PRKAR1A: variants seen among roughly 807,000 people sequenced by gnomAD.
PRKAR1A encodes the protein protein kinase cAMP-dependent type I regulatory subunit alpha.
A neutral mutation model predicts 52.0 loss-of-function variants in PRKAR1A; 3 were observed. The observed-to-expected ratio is 0.06, with a 90% confidence interval of 0.03 to 0.15. The LOEUF (loss-of-function observed/expected upper bound fraction) is 0.15. Among genes scored for constraint, PRKAR1A ranks in the 10% least tolerant of loss-of-function variants. The pLI is 1.00. For synonymous variants in PRKAR1A, 188 were observed against 168.4 expected (o/e 1.12, Z -0.90); for missense variants, 240 against 477.4 (o/e 0.50, Z 4.63).
intron 11 of PRKAR1A, among the ~76,000 whole-genome samples, chr17:68,547,645 G>T (rs2086631577): frequency 6.6e-6 from 1 of 152,196 alleles, no homozygotes; most frequent in African/African-American, 2.4e-5. Context: ...TTTCTCACCT[G>T]TCTCAGCCTT....
the PRKAR1A span, among the ~76,000 whole-genome samples, chr17:68,417,267 T>G: frequency 6.6e-6 from 1 of 152,206 alleles, no homozygotes; most frequent in Admixed American, 6.5e-5. Flanking sequence ...GAGAAAAACC[T>G]AAGTAATTTA....
At chr17:68,417,439 C>T in the PRKAR1A span, among the ~76,000 whole-genome samples, 1 of 152,158 alleles carries the variant, frequency 6.6e-6, no homozygotes, top group African/African-American at 2.4e-5. Context: ...GGAGGTAAAA[C>T]TCACAAAAGT....
the PRKAR1A span, chr17:68,435,840 C>T: frequency 1.2e-6 from 1 of 819,794 alleles, no homozygotes; most frequent in Non-Finnish European, 2.0e-6. Context: ...CTCTGTCCCC[C>T]AGGCCATCTG....
At chr17:68,542,307 A>T (rs2086337500) in intron 11 of PRKAR1A, 5 of 963,262 alleles carry the variant, frequency 5.2e-6, no homozygotes, top group Non-Finnish European at 6.3e-6. Flanking sequence ...GGAAACATTG[A>T]CTTTTCCAGA....
the PRKAR1A span, among the ~76,000 whole-genome samples, chr17:68,438,255 A>G: frequency 8.2e-6 from 1 of 122,154 alleles, no homozygotes; most frequent in Non-Finnish European, 1.9e-5. Context: ...CAGCCCTGCC[A>G]CCCCTTTGGC....
chr17:68,527,653 GTCATA>G (rs2085832552), intron 7 of PRKAR1A, 182 bp from the exon 8 acceptor site: 3 of 560,192 alleles, frequency 5.4e-6, no homozygotes, highest in Admixed American at 3.1e-5. Flanking sequence ...TCACAAGAAT[GTCATA>G]TCATTCATTA....
chr17:68,425,095 C>A, the PRKAR1A span, among the ~76,000 whole-genome samples: 5 of 152,200 alleles, frequency 3.3e-5, no homozygotes, highest in Admixed American at 6.5e-5. Flanking sequence ...CAGCCAGCCC[C>A]GAGGGCCCTA....
At chr17:68,545,646 G>A (rs1257479812) in intron 11 of PRKAR1A, among the ~76,000 whole-genome samples, 2 of 152,160 alleles carry the variant, frequency 1.3e-5, no homozygotes, top group Non-Finnish European at 2.9e-5. Flanking sequence ...TTGCTGCATC[G>A]ATTCACAAAA....
downstream of PRKAR1A, among the ~76,000 whole-genome samples, chr17:68,534,301 G>A (rs2086047715): frequency 6.6e-6 from 1 of 152,044 alleles, no homozygotes; most frequent in South Asian, 2.1e-4. Context: ...CTAGATGGTG[G>A]GCTTTTTTTA....
At chr17:68,435,522 C>T in the PRKAR1A span, 1 of 1,171,222 alleles carries the variant, frequency 8.5e-7, no homozygotes, top group South Asian at 1.3e-5. Flanking sequence ...AGAGACCAGT[C>T]AGTCTTCATG....
chr17:68,468,392 T>C, the PRKAR1A span, among the ~76,000 whole-genome samples: 2 of 152,278 alleles, frequency 1.3e-5, no homozygotes, highest in South Asian at 4.2e-4. Flanking sequence ...TGTCAGTTGG[T>C]AAAGAACTGG....
At chr17:68,519,533 T>C (rs1322079506) in intron 2 of PRKAR1A, among the ~76,000 whole-genome samples, 1 of 152,180 alleles carries the variant, frequency 6.6e-6, no homozygotes, top group Admixed American at 6.5e-5. Context: ...GTGGGGATTA[T>C]GGGAACTATA....
At chr17:68,466,626 T>G in the PRKAR1A span, among the ~76,000 whole-genome samples, 10 of 151,692 alleles carry the variant, frequency 6.6e-5, no homozygotes, top group Non-Finnish European at 1.3e-4. Flanking sequence ...TGACCAGGCT[T>G]CTCTCTATCT....
intron 11 of PRKAR1A, among the ~76,000 whole-genome samples, chr17:68,548,553 G>A (rs1299337474): frequency 6.6e-6 from 1 of 151,568 alleles, no homozygotes. Context: ...TTGAAATATT[G>A]TGAGAATTAC....
the PRKAR1A span, among the ~76,000 whole-genome samples, chr17:68,492,961 T>TGCAATGAAC: frequency 5.3e-5 from 8 of 152,224 alleles, no homozygotes; most frequent in Non-Finnish European, 1.0e-4. Context: ...TGCATAGTGC[T>TGCAATGAAC]GCAATGAACA....
rs1200938910 is a variant in PRKAR1A at position 68,531,375 on chromosome 17, A to G, written c.*926A>G. 1.0e-5 allele frequency: 11 copies of G among 1,065,610 alleles called. No homozygotes were observed. In the East Asian group the frequency reaches 4.5e-4, roughly 43 times the overall value. 66.0% of individuals were successfully genotyped at this position (1,065,610 alleles called of 1,614,324 possible). The stretch of plus-strand genomic sequence containing the variant: ...CAGTATAATCTCCTCTGCTCATTAA[A>G]CTGATTCCAGGAGATTGGATTTGCT... On this transcript the variant is annotated 3_prime_UTR_variant, in exon 11 of 11. Coordinates refer to ENST00000589228, the MANE Select transcript of PRKAR1A (RefSeq NM_002734.5).
At chr17:68,442,202 G>A in the PRKAR1A span, among the ~76,000 whole-genome samples, 1 of 152,128 alleles carries the variant, frequency 6.6e-6, no homozygotes, top group Non-Finnish European at 1.5e-5. Flanking sequence ...GCTGACTCAT[G>A]CCTATAATTC....
At chr17:68,489,543 T>G in the PRKAR1A span, among the ~76,000 whole-genome samples, 3 of 147,840 alleles carry the variant, frequency 2.0e-5, no homozygotes, top group African/African-American at 7.5e-5. Context: ...TATGTATATA[T>G]GGAAAGTATA....
the PRKAR1A span, chr17:68,420,308 T>C: frequency 6.2e-7 from 1 of 1,613,734 alleles, no homozygotes; most frequent in Non-Finnish European, 8.5e-7. Flanking sequence ...TGGTGCGGAG[T>C]ACCAGGCTGT....
Sources: allele counts gnomAD v4.1 joint callset (sites outside exome capture counted in the v4.1 genomes callset), GRCh38; gene constraint gnomAD v4.1.1; transcripts MANE v1.5; gene names NCBI Gene and HGNC (gene_info 2026-07-23, HGNC 2026-07-21).